The following MECOM variants were observed in gnomAD, a reference collection of about 807,000 sequenced individuals.
MECOM encodes MDS1 and EVI1 complex locus.
Under a neutral mutation model 116.3 loss-of-function variants are expected in MECOM, and 13 were observed. That is an observed-to-expected ratio of 0.11 (90% CI 0.07 to 0.18). MECOM has a LOEUF of 0.18. Ranked by LOEUF, MECOM falls within the 10% of genes least tolerant of loss-of-function variation. The pLI, the probability that MECOM is intolerant of heterozygous loss-of-function variation, is 1.00. For missense variants in MECOM, 1,299 were observed against 1,509.0 expected (o/e 0.86, Z 2.31); for synonymous variants, 528 against 535.2 (o/e 0.99, Z 0.19).
chr3:169,537,716 T>C (rs1271162474), intron 1 of MECOM, among the ~76,000 whole-genome samples: 5 of 127,032 alleles, frequency 3.9e-5, no homozygotes, highest in African/African-American at 6.1e-5. Flanking sequence ...CAGCAGAACA[T>C]TTAAAAAAAA....
At chr3:169,405,466 CT>C (rs1349340746) in intron 1 of MECOM, among the ~76,000 whole-genome samples, 10 of 152,166 alleles carry the variant, frequency 6.6e-5, no homozygotes, top group African/African-American at 2.4e-4. Flanking sequence ...GTGTCCTCGA[CT>C]TACTGAGATG....
At chr3:169,126,482 A>G in intron 5 of MECOM, among the ~76,000 whole-genome samples, 1 of 152,060 alleles carries the variant, frequency 6.6e-6, no homozygotes, top group Non-Finnish European at 1.5e-5. Context: ...TTAAAGGGAC[A>G]TGCTGTGGCT....
In MECOM at chr3:169,192,630, CAA is replaced by C. The variant is rs200296527; in HGVS notation, c.376-48800_376-48799del. 3.2e-3 allele frequency among the ~76,000 whole-genome samples: 493 copies of C among 152,090 alleles called. 1 individual carries two copies. Among genetic ancestry groups the C allele is most frequent in the African/African-American group, 0.011 (471 of 41,516 alleles). ...TTCCTTCCAATCACATAAGATTAAT[CAA>C]GAGAGTTTAATTAAACAAGTCCAAC... is the stretch of plus-strand genomic sequence containing the variant. On this transcript the variant is annotated intron_variant, in intron 2 of 16. Coordinates refer to ENST00000651503, the MANE Select transcript of MECOM (RefSeq NM_004991.4).
At chr3:169,385,920 C>A (rs1033183467) in intron 1 of MECOM, among the ~76,000 whole-genome samples, 3 of 152,258 alleles carry the variant, frequency 2.0e-5, no homozygotes, top group African/African-American at 7.2e-5. Context: ...CTTGTAACTT[C>A]TTGGAGCTGA....
chr3:169,436,354 G>A (rs1027977625), intron 1 of MECOM, among the ~76,000 whole-genome samples: 11 of 148,590 alleles, frequency 7.4e-5, no homozygotes, highest in Non-Finnish European at 1.5e-4. Flanking sequence ...AGGTTCAAGC[G>A]ATTCCCCTGC....
chr3:169,616,599 C>A (rs1770042633), intron 1 of MECOM, among the ~76,000 whole-genome samples: 1 of 152,168 alleles, frequency 6.6e-6, no homozygotes, highest in Admixed American at 6.5e-5. Context: ...CTCAGCCTCT[C>A]AAAGTGCTGT....
intron 1 of MECOM, among the ~76,000 whole-genome samples, chr3:169,436,980 G>A (rs114442618): frequency 0.01 from 1,572 of 152,170 alleles, 8 homozygotes; most frequent in Non-Finnish European, 0.017. Flanking sequence ...GAGAATAAAA[G>A]AGAAAAAATT....
At chr3:169,557,339 C>T (rs1181570143) in intron 1 of MECOM, among the ~76,000 whole-genome samples, 2 of 152,152 alleles carry the variant, frequency 1.3e-5, no homozygotes, top group African/African-American at 2.4e-5. Context: ...AAAAAGGGAA[C>T]TTCATGGAAT....
intron 1 of MECOM, among the ~76,000 whole-genome samples, chr3:169,587,789 T>C (rs990698264): frequency 6.6e-6 from 1 of 152,188 alleles, no homozygotes; most frequent in African/African-American, 2.4e-5. Flanking sequence ...ACAAAGAGTT[T>C]CCAGTTGCGT....
chr3:169,565,174 G>A (rs187344340), intron 1 of MECOM, among the ~76,000 whole-genome samples: 43 of 152,246 alleles, frequency 2.8e-4, no homozygotes, highest in Admixed American at 2.0e-4. Flanking sequence ...TGAACTCCAC[G>A]AGGGGAGAAC....
At chr3:169,556,311 G>A (rs1762023167) in intron 1 of MECOM, among the ~76,000 whole-genome samples, 1 of 152,140 alleles carries the variant, frequency 6.6e-6, no homozygotes, top group African/African-American at 2.4e-5. Context: ...TCCCACCAGT[G>A]GATGGTGGTG....
At chr3:169,394,944 C>T (rs992064298) in intron 1 of MECOM, among the ~76,000 whole-genome samples, 1 of 152,104 alleles carries the variant, frequency 6.6e-6, no homozygotes, top group Non-Finnish European at 1.5e-5. Context: ...AAATGCTTGG[C>T]TGATGAAAAA....
chr3:169,483,316 T>C (rs1404938576), intron 1 of MECOM, among the ~76,000 whole-genome samples: 1 of 150,604 alleles, frequency 6.6e-6, no homozygotes, highest in Non-Finnish European at 1.5e-5. Flanking sequence ...CCCACTTGTA[T>C]CCCTGAATCA....
chr3:169,312,658 G>A (rs1003811269), intron 2 of MECOM, among the ~76,000 whole-genome samples: 4 of 152,206 alleles, frequency 2.6e-5, no homozygotes. Context: ...GATTACAGGC[G>A]TGAGCCGCCG....
intron 1 of MECOM, among the ~76,000 whole-genome samples, chr3:169,634,769 A>G (rs1577209058): frequency 6.6e-6 from 1 of 151,002 alleles, no homozygotes; most frequent in African/African-American, 2.4e-5. Context: ...CTCTTAAATC[A>G]CTCCTCTGTA....
rs146996605 is a variant in MECOM, at chr3:169,150,667, T to A, written c.376-6835A>T. Among the ~76,000 whole-genome samples the A allele has an allele frequency of 5.2e-3, 786 of 152,354 alleles. 4 individuals carry two copies. The highest frequency in any genetic ancestry group is 9.1e-3 in the Non-Finnish European group (622 of 68,036). On this transcript the variant is annotated intron_variant, in intron 2 of 16. Coordinates refer to ENST00000651503, the MANE Select transcript of MECOM (RefSeq NM_004991.4). The stretch of plus-strand genomic sequence containing the variant: ...AAAAAATGGAATGATTCATCAGTGA[T>A]GTTTAAAAAGAGAACCAGATTTTAA...
At chr3:169,487,806 G>T (rs1190250497) in intron 1 of MECOM, among the ~76,000 whole-genome samples, 3 of 151,260 alleles carry the variant, frequency 2.0e-5, no homozygotes, top group Admixed American at 6.6e-5. Flanking sequence ...GGGTCGGGGT[G>T]GGGGGACTCA....
At chr3:169,429,505 A>C (rs1480700529) in intron 1 of MECOM, among the ~76,000 whole-genome samples, 1 of 152,202 alleles carries the variant, frequency 6.6e-6, no homozygotes, top group Non-Finnish European at 1.5e-5. Context: ...CCCATAGCAC[A>C]TGTTCAACAA....
intron 1 of MECOM, among the ~76,000 whole-genome samples, chr3:169,560,932 A>C (rs905395780): frequency 6.6e-6 from 1 of 152,064 alleles, no homozygotes; most frequent in East Asian, 1.9e-4. Flanking sequence ...GTTTCTACAA[A>C]CGGCATCTGA....
Sources: gnomAD v4.1 joint callset for allele counts (sites outside exome capture counted in the v4.1 genomes callset) on GRCh38, gnomAD v4.1.1 for gene constraint, MANE v1.5 for transcripts, NCBI Gene and HGNC (gene_info 2026-07-23, HGNC 2026-07-21) for gene names.